The following VEPH1 variants were observed in gnomAD, a reference collection of about 807,000 sequenced individuals.
The protein encoded by VEPH1 is ventricular zone-expressed PH domain-containing protein homolog 1.
Under a neutral mutation model 85.2 loss-of-function variants are expected in VEPH1, and 80 were observed. That is an observed-to-expected ratio of 0.94 (90% CI 0.78 to 1.13). VEPH1 has a LOEUF of 1.13. Ranked by LOEUF, VEPH1 falls within the 50% of genes most tolerant of loss-of-function variation. The pLI is 0.00. For synonymous variants in VEPH1, 297 were observed against 348.0 expected, an observed-to-expected ratio of 0.85 and a Z score of 1.63; for missense variants, 955 against 980.5, an observed-to-expected ratio of 0.97 and a Z score of 0.35.
At position 157,373,658 on chromosome 3, in the gene VEPH1, T is replaced by C. The variant is rs575966141; in HGVS notation, c.1127+7498A>G. 2.6e-4 allele frequency among the ~76,000 whole-genome samples: 39 copies of C among 152,256 alleles called. 1 individual carries two copies. The South Asian group carries it at 7.9e-3, about 31-fold the overall frequency. ...TGGGTTGTAGAGGGTCAAGGTCCTC[T>C]TACCTCTTCTCCCACAAACACCCTT... On this transcript the variant is annotated intron_variant, in intron 7 of 13. Transcript: ENST00000362010.
At chr3:157,266,177 A>G (rs1385747628) in intron 12 of VEPH1, among the ~76,000 whole-genome samples, 1 of 151,224 alleles carries the variant, frequency 6.6e-6, no homozygotes, top group African/African-American at 2.4e-5. Context: ...ATATTTAGCT[A>G]TTTGGCAGCA....
At chr3:157,372,754 T>TA (rs1297931227) in intron 7 of VEPH1, among the ~76,000 whole-genome samples, 1 of 152,314 alleles carries the variant, frequency 6.6e-6, no homozygotes, top group South Asian at 2.1e-4. Context: ...AATATTTTTG[T>TA]AAAAATAGCA....
At chr3:157,363,163 A>G (rs1726234438) in intron 9 of VEPH1, 1 of 467,910 alleles carries the variant, frequency 2.1e-6, no homozygotes, top group African/African-American at 2.0e-5. Context: ...GCACCCAAGT[A>G]GATTCAAATG....
chr3:157,365,766 G>A (rs1047947099), intron 7 of VEPH1, among the ~76,000 whole-genome samples: 5 of 152,144 alleles, frequency 3.3e-5, no homozygotes, highest in African/African-American at 1.2e-4. Flanking sequence ...CATAGGGCAA[G>A]GTATGGGAGA....
intron 11 of VEPH1, among the ~76,000 whole-genome samples, chr3:157,295,511 G>A (rs1718011394): frequency 1.3e-5 from 2 of 152,140 alleles, no homozygotes; most frequent in Admixed American, 1.3e-4. Context: ...AAATAAAACT[G>A]ACTCTACTAT....
At chr3:157,489,900 T>A (rs1340890102) in intron 2 of VEPH1, among the ~76,000 whole-genome samples, 2 of 152,018 alleles carry the variant, frequency 1.3e-5, no homozygotes, top group African/African-American at 4.8e-5. Flanking sequence ...TCATTTATGT[T>A]ATAACCAACT....
Position 157,265,601 on chromosome 3 carries a change from C to T in VEPH1, c.2190G>A (p.Trp730Ter), listed in dbSNP as rs1225386870. 6.2e-7 allele frequency: 1 copy of T among 1,613,760 alleles called. No individual in the cohort carries two copies. Among genetic ancestry groups the T allele is most frequent in the Admixed American group, 1.7e-5 (1 of 60,004 alleles). The stretch of plus-strand genomic sequence containing the variant: ...GTGTTTTCCACCTTTTGATGAACTT[C>T]CATCTGACTTGCTTCTCTTTAAGTT... ...EGKLKEKQVR[W>*]KFIKRWKTRY... The change falls in exon 13 of 14, where the codon TGG becomes TGA. Residue 730 changes from tryptophan (W) to a stop codon, truncating the protein, a stop_gained. Coordinates refer to ENST00000362010, the MANE Select transcript of VEPH1 (RefSeq NM_001167912.2). LOFTEE classifies it high-confidence loss of function.
chr3:157,310,858 A>G (rs1720030920), intron 11 of VEPH1, among the ~76,000 whole-genome samples: 1 of 152,156 alleles, frequency 6.6e-6, no homozygotes, highest in South Asian at 2.1e-4. Flanking sequence ...AGCAAGTCAC[A>G]TGGCCAGCCT....
chr3:157,499,167 T>G (rs1739900187), intron 1 of VEPH1, among the ~76,000 whole-genome samples: 1 of 152,194 alleles, frequency 6.6e-6, no homozygotes, highest in Non-Finnish European at 1.5e-5. Flanking sequence ...TATAAAATTC[T>G]TACAGCCTTT....
chr3:157,451,604 T>C (rs1020447686), intron 4 of VEPH1, among the ~76,000 whole-genome samples: 2 of 152,208 alleles, frequency 1.3e-5, no homozygotes, highest in Admixed American at 6.5e-5. Context: ...CATGATTCAC[T>C]CATAAGCATA....
intron 9 of VEPH1, among the ~76,000 whole-genome samples, chr3:157,352,131 C>T (rs971542239): frequency 6.6e-6 from 1 of 152,222 alleles, no homozygotes; most frequent in African/African-American, 2.4e-5. Flanking sequence ...ACTTAGTACA[C>T]TTTTATTTAT....
chr3:157,430,243 A>G (rs1733039691), intron 4 of VEPH1, among the ~76,000 whole-genome samples: 2 of 152,190 alleles, frequency 1.3e-5, no homozygotes, highest in Admixed American at 1.3e-4. Context: ...GTATTTTTAC[A>G]CTTTAATTAC....
At chr3:157,391,778 A>T (rs1262067469) in intron 6 of VEPH1, among the ~76,000 whole-genome samples, 1 of 152,252 alleles carries the variant, frequency 6.6e-6, no homozygotes, top group East Asian at 1.9e-4. Flanking sequence ...ATCACCAAGG[A>T]ATGTAACTAC....
rs1559903241 is a variant in VEPH1 at position 157,260,979 on chromosome 3, C to A, written c.*155G>T. 2.1e-6 allele frequency: 2 copies of A among 974,888 alleles called. No homozygotes were observed. The highest frequency in any genetic ancestry group is 2.5e-5 in the East Asian group (1 of 40,596). The allele number at this position is 974,888 out of a possible 1,614,324, so 60.4% of individuals were successfully genotyped here. On this transcript the variant is annotated 3_prime_UTR_variant, in exon 14 of 14. Transcript: ENST00000362010. ...TTAGAGTATGACATTTACTAAGAAT[C>A]CTGCCATTTTAGGCCCTTCTTCTTA...
chr3:157,457,873 C>G (rs1163019502), intron 4 of VEPH1, among the ~76,000 whole-genome samples: 3 of 151,956 alleles, frequency 2.0e-5, no homozygotes, highest in Non-Finnish European at 2.9e-5. Context: ...ATGATGGTGG[C>G]CTTATAGAAT....
chr3:157,412,464 AT>A (rs1398341165), intron 6 of VEPH1, among the ~76,000 whole-genome samples: 2 of 152,154 alleles, frequency 1.3e-5, no homozygotes, highest in Non-Finnish European at 1.5e-5. Flanking sequence ...CTTTTTAAAG[AT>A]TTGATGGCCT....
intron 2 of VEPH1, among the ~76,000 whole-genome samples, chr3:157,473,806 CTATT>C (rs1380561008): frequency 1.1e-4 from 16 of 151,960 alleles, no homozygotes; most frequent in Non-Finnish European, 2.1e-4. Flanking sequence ...CAGTCTATTG[CTATT>C]TATTGAGTTT....
intron 9 of VEPH1, among the ~76,000 whole-genome samples, chr3:157,350,927 AAACTAGTAC>A (rs1372484528): frequency 1.3e-5 from 2 of 152,238 alleles, no homozygotes; most frequent in African/African-American, 4.8e-5. Flanking sequence ...TTCGGAATAC[AAACTAGTAC>A]AACCAGTATA....
chr3:157,375,852 C>T (rs1728035878), intron 7 of VEPH1, among the ~76,000 whole-genome samples: 1 of 152,116 alleles, frequency 6.6e-6, no homozygotes. Context: ...TCACTACCAC[C>T]ATCACTACCA....
Sources: gnomAD v4.1 joint callset for allele counts (sites outside exome capture counted in the v4.1 genomes callset) on GRCh38, gnomAD v4.1.1 for gene constraint, MANE v1.5 for transcripts, NCBI Gene and HGNC (gene_info 2026-07-23, HGNC 2026-07-21) for gene names.